DACH2: variants seen among roughly 807,000 people sequenced by gnomAD.
DACH2 encodes dachshund family transcription factor 2.
In DACH2, 17 loss-of-function variants were observed where a neutral mutation model predicts 35.8. The observed-to-expected ratio is 0.48, with a 90% CI of 0.33 to 0.71. DACH2 has a LOEUF of 0.71. DACH2 is among the 30% of genes least tolerant of loss of function. DACH2 has a pLI of 0.02. For synonymous variants in DACH2, 195 were observed against 177.3 expected, an observed-to-expected ratio of 1.10 and a Z score of -0.79; for missense variants, 469 against 472.7, an observed-to-expected ratio of 0.99 and a Z score of 0.07.
At chrX:86,411,411 G>T (rs1229941150) in intron 2 of DACH2, among the ~76,000 whole-genome samples, 1 of 109,781 alleles carries the variant, frequency 9.1e-6, no homozygotes, top group Non-Finnish European at 1.9e-5. Context: ...CAATCATCTT[G>T]ACACTCAGTA....
chrX:86,449,133 C>T (rs1317513930), intron 2 of DACH2, among the ~76,000 whole-genome samples: 15 of 28,331 alleles, frequency 5.3e-4, no homozygotes, highest in Middle Eastern at 9.0e-3. Flanking sequence ...TCTGTGGGAT[C>T]GGTGGTGATA....
At chrX:86,585,901 T>C (rs6617244) in intron 3 of DACH2, among the ~76,000 whole-genome samples, 18,431 of 110,748 alleles carry the variant, frequency 0.17, 1,541 homozygotes, top group African/African-American at 0.32. Context: ...CATGGTAGAA[T>C]GATTTATATT....
chrX:86,482,424 G>C (rs1462672243), intron 2 of DACH2, among the ~76,000 whole-genome samples: 2 of 111,907 alleles, frequency 1.8e-5, no homozygotes, highest in Admixed American at 1.9e-4. Context: ...GAAAAAGAGA[G>C]GAAGTCTATC....
chrX:86,828,272 T>C (rs1343561595), intron 11 of DACH2: 1 of 114,611 alleles, frequency 8.7e-6, no homozygotes, highest in Non-Finnish European at 1.8e-5. Context: ...AAATGATCGA[T>C]ATTTGTTATC....
At chrX:86,251,236 C>T (rs1018751974) in intron 1 of DACH2, among the ~76,000 whole-genome samples, 4 of 111,184 alleles carry the variant, frequency 3.6e-5, no homozygotes, top group Admixed American at 1.9e-4. Flanking sequence ...GGTTTCATGG[C>T]GATATCAAAG....
At chrX:86,299,827 A>G (rs1044712132) in intron 1 of DACH2, among the ~76,000 whole-genome samples, 24 of 111,977 alleles carry the variant, frequency 2.1e-4, no homozygotes, top group African/African-American at 7.1e-4. Context: ...GAGAAGGTGT[A>G]TATATTTCCA....
intron 7 of DACH2, among the ~76,000 whole-genome samples, chrX:86,798,153 A>C (rs774071685): frequency 8.9e-6 from 1 of 112,309 alleles, no homozygotes; most frequent in Non-Finnish European, 1.9e-5. Context: ...GTCTCCAAAG[A>C]GGGTGAATCA....
intron 4 of DACH2, among the ~76,000 whole-genome samples, chrX:86,668,355 C>A (rs1033316017): frequency 2.7e-5 from 3 of 111,889 alleles, no homozygotes; most frequent in Admixed American, 9.5e-5. Context: ...AGTAGCACAG[C>A]CTAAGCTACG....
intron 1 of DACH2, among the ~76,000 whole-genome samples, chrX:86,265,478 T>C (rs772501665): frequency 1.8e-5 from 2 of 112,147 alleles, no homozygotes; most frequent in East Asian, 5.6e-4. Context: ...TTAGCTTTTC[T>C]TTTTCATTTC....
intron 1 of DACH2, among the ~76,000 whole-genome samples, chrX:86,190,312 C>T (rs984615116): frequency 9.0e-6 from 1 of 111,653 alleles, no homozygotes; most frequent in Non-Finnish European, 1.9e-5. Flanking sequence ...TTGTTCTTTT[C>T]GTGGTTACAG....
intron 1 of DACH2, among the ~76,000 whole-genome samples, chrX:86,309,917 G>C (rs1164842794): frequency 8.9e-6 from 1 of 112,300 alleles, no homozygotes; most frequent in African/African-American, 3.2e-5. Context: ...CCAGGCTGCT[G>C]TGCAAGTTGT....
chrX:86,237,809 A>C (rs2033087025), intron 1 of DACH2, among the ~76,000 whole-genome samples: 1 of 111,989 alleles, frequency 8.9e-6, no homozygotes, highest in Non-Finnish European at 1.9e-5. Flanking sequence ...TGGCTGAACC[A>C]GGCCTAACCA....
At chrX:86,573,158 G>C (rs768402452) in intron 3 of DACH2, among the ~76,000 whole-genome samples, 1 of 110,558 alleles carries the variant, frequency 9.0e-6, no homozygotes, top group African/African-American at 3.3e-5. Flanking sequence ...AGGGAGGGAG[G>C]AAAGAGGAAA....
intron 7 of DACH2, among the ~76,000 whole-genome samples, chrX:86,783,700 G>T (rs980244659): frequency 1.8e-5 from 2 of 111,673 alleles, no homozygotes; most frequent in Non-Finnish European, 3.8e-5. Flanking sequence ...GGATCAAATT[G>T]GAGATCATTA....
In DACH2 at chrX:86,628,586, C is replaced by T. The variant is rs143283065; in HGVS notation, c.641-22450C>T. 5.1e-3 allele frequency among the ~76,000 whole-genome samples: 572 copies of T among 112,654 alleles called. 5 individuals are homozygous for T. Among genetic ancestry groups the T allele is most frequent in the African/African-American group, 0.018 (548 of 31,100 alleles). On this transcript the variant is annotated intron_variant, in intron 3 of 11. Transcript: ENST00000373125. Reference sequence around the variant, plus strand: ...AAATGCAGCTTTTTAGACCAATTAACATTTCTGGATGTATTGCTGGATTCT... The same window carrying T: ...AAATGCAGCTTTTTAGACCAATTAATATTTCTGGATGTATTGCTGGATTCT...
chrX:86,755,563 A>C (rs2041818462), intron 7 of DACH2, among the ~76,000 whole-genome samples: 1 of 105,570 alleles, frequency 9.5e-6, no homozygotes, highest in African/African-American at 3.5e-5. Context: ...TTCAGGTCTT[A>C]CATTAAAGGC....
At chrX:86,759,259 A>T (rs1417175478) in intron 7 of DACH2, among the ~76,000 whole-genome samples, 1 of 112,109 alleles carries the variant, frequency 8.9e-6, no homozygotes, top group Non-Finnish European at 1.9e-5. Flanking sequence ...CTCTGTCTTT[A>T]GATATAATAT....
At chrX:86,831,801 C>CA (rs201305340) in intron 11 of DACH2, 277 of 81,413 alleles carry the variant, frequency 3.4e-3, no homozygotes, top group African/African-American at 0.015. Flanking sequence ...CCATTATATA[C>CA]AAAAAAAAAA....
At chrX:86,266,733 A>G (rs1244151258) in intron 1 of DACH2, among the ~76,000 whole-genome samples, 1 of 111,810 alleles carries the variant, frequency 8.9e-6, no homozygotes, top group Non-Finnish European at 1.9e-5. Flanking sequence ...TTAACATGTT[A>G]TATGGTCCCT....
Sources: allele counts gnomAD v4.1 joint callset (sites outside exome capture counted in the v4.1 genomes callset), GRCh38; gene constraint gnomAD v4.1.1; transcripts MANE v1.5; gene names NCBI Gene and HGNC (gene_info 2026-07-23, HGNC 2026-07-21).